DCAF8L2: variants seen among roughly 807,000 people sequenced by gnomAD.
DCAF8L2 encodes DDB1- and CUL4-associated factor 8-like protein 2.
For missense variants in DCAF8L2, 430 were observed against 490.7 expected (o/e 0.88, Z 1.17); for synonymous variants, 200 against 190.9 (o/e 1.05, Z -0.39).
chrX:27,557,857 T>C, the DCAF8L2 span, among the ~76,000 whole-genome samples: 1 of 111,153 alleles, frequency 9.0e-6, no homozygotes, highest in Admixed American at 9.6e-5. Flanking sequence ...CATATACTTC[T>C]CTATGCACAT....
At chrX:27,550,396 A>T in the DCAF8L2 span, among the ~76,000 whole-genome samples, 10,593 of 110,378 alleles carry the variant, frequency 0.096, 408 homozygotes, top group Non-Finnish European at 0.12. Context: ...AAATTTGTTT[A>T]TGTAGAGACA....
chrX:27,556,732 A>G, the DCAF8L2 span, among the ~76,000 whole-genome samples: 1 of 112,186 alleles, frequency 8.9e-6, no homozygotes, highest in South Asian at 3.7e-4. Flanking sequence ...CAAGCAGTTG[A>G]TATTTATCAC....
chrX:27,660,366 TC>T (rs1929513210), intron 2 of DCAF8L2, among the ~76,000 whole-genome samples: 1 of 111,804 alleles, frequency 8.9e-6, no homozygotes, highest in Non-Finnish European at 1.9e-5. Flanking sequence ...AACAGTTGCT[TC>T]TTCTAATTTT....
intron 2 of DCAF8L2, among the ~76,000 whole-genome samples, chrX:27,674,422 C>T (rs1020897072): frequency 9.0e-6 from 1 of 110,872 alleles, no homozygotes; most frequent in Non-Finnish European, 1.9e-5. Flanking sequence ...AAGCAAAATA[C>T]TAGAAAACTA....
intron 3 of DCAF8L2, among the ~76,000 whole-genome samples, chrX:27,703,490 T>C (rs893522673): frequency 2.7e-5 from 3 of 111,860 alleles, no homozygotes; most frequent in Non-Finnish European, 3.8e-5. Flanking sequence ...TGATAATTAA[T>C]TGAATAGAAC....
At chrX:27,591,217 A>G (rs1926078240) in intron 1 of DCAF8L2, among the ~76,000 whole-genome samples, 1 of 110,018 alleles carries the variant, frequency 9.1e-6, no homozygotes, top group Non-Finnish European at 1.9e-5. Flanking sequence ...TGCTAGGCTT[A>G]GCTATTTGCC....
intron 1 of DCAF8L2, among the ~76,000 whole-genome samples, chrX:27,607,985 A>G (rs957854974): frequency 8.9e-6 from 1 of 111,857 alleles, no homozygotes; most frequent in African/African-American, 3.2e-5. Context: ...AAGTTATGAC[A>G]TAGTTAATAT....
At chrX:27,498,671 T>C in the DCAF8L2 span, among the ~76,000 whole-genome samples, 3,748 of 112,109 alleles carry the variant, frequency 0.033, 149 homozygotes, top group African/African-American at 0.11. Flanking sequence ...CTTGTTCATT[T>C]CATATCTTCA....
intron 3 of DCAF8L2, among the ~76,000 whole-genome samples, chrX:27,689,085 C>T (rs1334806082): frequency 8.9e-6 from 1 of 112,004 alleles, no homozygotes; most frequent in Non-Finnish European, 1.9e-5. Flanking sequence ...AAATCATTCC[C>T]CCTTTTATCA....
the DCAF8L2 span, among the ~76,000 whole-genome samples, chrX:27,514,445 G>A: frequency 3.7e-5 from 4 of 108,399 alleles, no homozygotes; most frequent in South Asian, 4.1e-4. Context: ...CAAGGCAGGC[G>A]GATCACGAGG....
intron 2 of DCAF8L2, among the ~76,000 whole-genome samples, chrX:27,649,651 G>A (rs1929077166): frequency 9.0e-6 from 1 of 111,667 alleles, no homozygotes; most frequent in Non-Finnish European, 1.9e-5. Flanking sequence ...TAATGGGGTT[G>A]TTTGGTTTTT....
chrX:27,536,956 A>G, the DCAF8L2 span, among the ~76,000 whole-genome samples: 2 of 112,434 alleles, frequency 1.8e-5, no homozygotes, highest in Admixed American at 9.4e-5. Context: ...TGATAAATAC[A>G]TATCAAACTT....
chrX:27,520,741 T>C, the DCAF8L2 span, among the ~76,000 whole-genome samples: 1 of 112,084 alleles, frequency 8.9e-6, no homozygotes, highest in Non-Finnish European at 1.9e-5. Context: ...AAGTTAGATG[T>C]TAAGAAATTG....
chrX:27,663,430 C>A (rs2147214910), intron 2 of DCAF8L2, among the ~76,000 whole-genome samples: 1 of 111,685 alleles, frequency 9.0e-6, no homozygotes, highest in South Asian at 3.8e-4. Context: ...CACATTTTGG[C>A]AATTCTCACA....
In DCAF8L2 at chrX:27,747,039, G is replaced by A; in HGVS notation, c.144G>A (p.Val48=). 1.7e-6 allele frequency: 2 copies of A among 1,173,987 alleles called. No homozygotes were observed. The highest frequency in any genetic ancestry group is 2.3e-6 in the Non-Finnish European group (2 of 876,035). Residue 48 remains valine (V), a synonymous_variant, in exon 5 of 5, where the codon GTG becomes GTA. Coordinates refer to ENST00000451261, the MANE Select transcript of DCAF8L2 (RefSeq NM_001353450.2). ...DIDIATSELS[V]TVTGDGSDSR... ...ACATAGCGACCTCAGAGCTGAGTGT[G>A]ACAGTGACCGGAGATGGCAGTGATA...
At chrX:27,577,670 G>C in the DCAF8L2 span, among the ~76,000 whole-genome samples, 1 of 111,427 alleles carries the variant, frequency 9.0e-6, no homozygotes, top group South Asian at 3.8e-4. Flanking sequence ...TAGGCCAAAA[G>C]CTTCTTAAGC....
chrX:27,547,661 A>G, the DCAF8L2 span, among the ~76,000 whole-genome samples: 3 of 110,704 alleles, frequency 2.7e-5, no homozygotes, highest in Non-Finnish European at 5.7e-5. Context: ...AACTCACTCA[A>G]AATCGGGAGA....
At chrX:27,483,345 T>C in the DCAF8L2 span, among the ~76,000 whole-genome samples, 1 of 111,731 alleles carries the variant, frequency 9.0e-6, no homozygotes, top group Non-Finnish European at 1.9e-5. Flanking sequence ...AATGAAAAGG[T>C]AATTTTTCAA....
upstream of DCAF8L2, among the ~76,000 whole-genome samples, chrX:27,589,433 TGG>T (rs779622403): frequency 8.9e-6 from 1 of 112,175 alleles, no homozygotes; most frequent in Non-Finnish European, 1.9e-5. Context: ...GGCCCAGCCT[TGG>T]ATATGGTGAA....
Sources: allele counts gnomAD v4.1 joint callset (sites outside exome capture counted in the v4.1 genomes callset), GRCh38; gene constraint gnomAD v4.1.1; transcripts MANE v1.5; gene names NCBI Gene and HGNC (gene_info 2026-07-23, HGNC 2026-07-21).